The following ARHGAP42 variants were observed in gnomAD, a reference collection of about 807,000 sequenced individuals.
The protein encoded by ARHGAP42 is Rho GTPase activating protein 42.
Under a neutral mutation model 125.0 loss-of-function variants are expected in ARHGAP42, and 63 were observed. The observed-to-expected ratio is 0.50, with a 90% CI of 0.41 to 0.62. The LOEUF is 0.62. ARHGAP42 is among the 20% of genes least tolerant of loss of function. The pLI is 0.00. For synonymous variants in ARHGAP42, 339 were observed against 351.0 expected (o/e 0.97, Z 0.38); for missense variants, 766 against 1,024.2 (o/e 0.75, Z 3.44).
intron 4 of ARHGAP42, among the ~76,000 whole-genome samples, chr11:100,908,249 G>C (rs1483302835): frequency 6.6e-6 from 1 of 152,168 alleles, no homozygotes; most frequent in Non-Finnish European, 1.5e-5. Flanking sequence ...GGTAAAGTTT[G>C]TTCTTCATCT....
At chr11:100,870,529 T>C (rs953517440) in intron 4 of ARHGAP42, among the ~76,000 whole-genome samples, 4 of 152,240 alleles carry the variant, frequency 2.6e-5, no homozygotes, top group African/African-American at 9.6e-5. Context: ...TTTTTACTTA[T>C]AGGTTCTTTG....
intron 3 of ARHGAP42, among the ~76,000 whole-genome samples, chr11:100,848,752 C>T (rs762973793): frequency 6.6e-6 from 1 of 152,090 alleles, no homozygotes; most frequent in Non-Finnish European, 1.5e-5. Flanking sequence ...GTGATCTGCC[C>T]ACCTTGGCCT....
intron 1 of ARHGAP42, among the ~76,000 whole-genome samples, chr11:100,694,807 T>C (rs961737592): frequency 1.3e-5 from 2 of 152,180 alleles, no homozygotes; most frequent in Non-Finnish European, 2.9e-5. Context: ...GGTGGGTGGA[T>C]CACTTGAGGT....
intron 10 of ARHGAP42, among the ~76,000 whole-genome samples, chr11:100,945,081 C>T (rs1344805251): frequency 1.3e-5 from 2 of 152,002 alleles, no homozygotes; most frequent in East Asian, 1.9e-4. Flanking sequence ...ATTCTAAATC[C>T]GTTGTTGTCA....
In ARHGAP42 at chr11:100,965,651, C is replaced by A. The variant is rs1158034063; in HGVS notation, c.1445-20C>A. On this transcript the variant is annotated intron_variant, in intron 16 of 23. Transcript: ENST00000298815. ...AATGGAATTAAAACTTGAGCATTTG[C>A]AATCTTTTTTATGTAACAGAATCTG... 3 of 1,539,596 alleles carry A rather than the reference C, an allele frequency of 1.9e-6. No individual in the cohort carries two copies. The highest frequency in any genetic ancestry group is 2.6e-6 in the Non-Finnish European group (3 of 1,137,730).
intron 3 of ARHGAP42, among the ~76,000 whole-genome samples, chr11:100,823,548 G>A (rs1272280271): frequency 6.6e-6 from 1 of 152,138 alleles, no homozygotes; most frequent in Admixed American, 6.5e-5. Context: ...GCTGTGTCTG[G>A]TTGAGGCTGG....
At chr11:100,941,397 T>G (rs1012051539) in intron 8 of ARHGAP42, among the ~76,000 whole-genome samples, 7 of 152,190 alleles carry the variant, frequency 4.6e-5, no homozygotes, top group Admixed American at 3.9e-4. Context: ...TTTAACACTA[T>G]ATTTCTGACA....
chr11:100,791,277 G>A (rs770200784), intron 2 of ARHGAP42, among the ~76,000 whole-genome samples: 1 of 152,142 alleles, frequency 6.6e-6, no homozygotes, highest in Non-Finnish European at 1.5e-5. Flanking sequence ...GATGGGCCAG[G>A]CAGGGAAGTG....
chr11:100,871,763 G>A (rs1182195043), intron 4 of ARHGAP42, among the ~76,000 whole-genome samples: 1 of 151,964 alleles, frequency 6.6e-6, no homozygotes, highest in Admixed American at 6.5e-5. Flanking sequence ...CTTTTTTTTA[G>A]ATGGAGTTTC....
intron 7 of ARHGAP42, 63 bp from the exon 8 acceptor site, chr11:100,936,140 T>C: frequency 4.6e-6 from 7 of 1,531,102 alleles, no homozygotes; most frequent in African/African-American, 1.4e-5. Context: ...AAAATATTAG[T>C]CTGGATGTTG....
At position 100,993,716 on chromosome 11, in the gene ARHGAP42, A is replaced by C. The variant is rs139333502; in HGVS notation, c.*4915A>C. 1 of 167,234 alleles carries C rather than the reference A, an allele frequency of 6.0e-6. No homozygotes were observed. Among genetic ancestry groups the C allele is most frequent in the African/African-American group, 2.4e-5 (1 of 41,592 alleles). 10.4% of individuals were successfully genotyped at this position (167,234 alleles called of 1,614,324 possible). A position where few individuals can be genotyped will look rare whatever the true frequency, so the allele number is the denominator to read the frequency against. On this transcript the variant is annotated 3_prime_UTR_variant, in exon 24 of 24. Coordinates refer to ENST00000298815, the MANE Select transcript of ARHGAP42 (RefSeq NM_152432.4). Reference sequence around the variant, plus strand: ...TTTGCAGTCATTAACATGACAAATTAAGTAATAAATATAAAAGTGATTGTC... The same window carrying C: ...TTTGCAGTCATTAACATGACAAATTCAGTAATAAATATAAAAGTGATTGTC...
chr11:100,894,544 A>G (rs1213902268), intron 4 of ARHGAP42, among the ~76,000 whole-genome samples: 3 of 152,230 alleles, frequency 2.0e-5, no homozygotes, highest in Admixed American at 2.0e-4. Context: ...GGACTAAGCC[A>G]TGTGACTTGA....
At chr11:100,786,448 ATGT>A (rs1368631907) in intron 2 of ARHGAP42, among the ~76,000 whole-genome samples, 4 of 152,154 alleles carry the variant, frequency 2.6e-5, no homozygotes, top group South Asian at 2.1e-4. Flanking sequence ...TGAAAATGAA[ATGT>A]TGTCCTTTTT....
chr11:100,825,763 C>G (rs1476943745), intron 3 of ARHGAP42, among the ~76,000 whole-genome samples: 1 of 152,186 alleles, frequency 6.6e-6, no homozygotes, highest in Non-Finnish European at 1.5e-5. Context: ...GCAGTCTTTA[C>G]AAGTCCAGCT....
chr11:100,798,943 C>T (rs538655508), intron 3 of ARHGAP42, among the ~76,000 whole-genome samples: 3 of 152,238 alleles, frequency 2.0e-5, no homozygotes, highest in South Asian at 4.1e-4. Flanking sequence ...ACAAGTAGGT[C>T]GTGGCAGTTG....
At chr11:100,694,581 C>T (rs1031353902) in intron 1 of ARHGAP42, among the ~76,000 whole-genome samples, 4 of 152,192 alleles carry the variant, frequency 2.6e-5, no homozygotes, top group Admixed American at 2.0e-4. Context: ...ACCTGCCACC[C>T]ACCAATTTCA....
chr11:100,930,170 G>A (rs570296443), intron 6 of ARHGAP42, among the ~76,000 whole-genome samples: 1 of 152,286 alleles, frequency 6.6e-6, no homozygotes, highest in South Asian at 2.1e-4. Context: ...ATTTACTTTA[G>A]GGTAAACTGA....
At chr11:100,951,265 G>A (rs1857640620) in intron 12 of ARHGAP42, among the ~76,000 whole-genome samples, 1 of 151,822 alleles carries the variant, frequency 6.6e-6, no homozygotes. Flanking sequence ...ACTATTTCCA[G>A]TTTTTATTCT....
intron 22 of ARHGAP42, among the ~76,000 whole-genome samples, chr11:100,981,041 G>A (rs892871685): frequency 2.6e-5 from 4 of 152,168 alleles, no homozygotes; most frequent in Non-Finnish European, 4.4e-5. Context: ...AGGGGAACAT[G>A]AATGAACTTT....
Sources: allele counts gnomAD v4.1 joint callset (sites outside exome capture counted in the v4.1 genomes callset), GRCh38; gene constraint gnomAD v4.1.1; transcripts MANE v1.5; gene names NCBI Gene and HGNC (gene_info 2026-07-23, HGNC 2026-07-21).